Variants in EPS8L3 observed in about 807,000 individuals in gnomAD.
The protein encoded by EPS8L3 is EPS8 signaling adaptor L3, also known as epidermal growth factor receptor kinase substrate 8-like protein 3.
Under a neutral mutation model 88.5 loss-of-function variants are expected in EPS8L3, and 80 were observed. The ratio of observed to expected loss-of-function variants is 0.90; its 90% confidence interval spans 0.75 to 1.09. The LOEUF (loss-of-function observed/expected upper bound fraction) is 1.09. EPS8L3 is among the 50% of genes least tolerant of loss of function. The pLI, the probability that EPS8L3 is intolerant of heterozygous loss-of-function variation, is 0.00. For missense variants in EPS8L3, 721 were observed against 735.2 expected, an observed-to-expected ratio of 0.98 and a Z score of 0.22; for synonymous variants, 286 against 291.0, an observed-to-expected ratio of 0.98 and a Z score of 0.18.
Position 109,751,707 on chromosome 1 carries a change from G to T in EPS8L3, c.1510C>A (p.Leu504Met). The T allele has an allele frequency of 6.2e-7, 1 of 1,613,898 alleles. No homozygotes were observed. Among genetic ancestry groups the T allele is most frequent in the South Asian group, 1.1e-5 (1 of 91,076 alleles). Residue 504 changes from leucine (L) to methionine (M), a missense_variant, in exon 16 of 19, where the codon CTG becomes ATG. Coordinates refer to ENST00000361965, the MANE Select transcript of EPS8L3 (RefSeq NM_133181.4). ...GRSGYIPSNI[L>M]EPLQPGTPGT... is the part of the protein sequence containing the mutation. Reference sequence around the variant, plus strand: ...GGGGTCCCCGGCTGTAGGGGCTCCAGGATGTTGCTTGGAATGTAGCCGCTC... The same window carrying T: ...GGGGTCCCCGGCTGTAGGGGCTCCATGATGTTGCTTGGAATGTAGCCGCTC...
At position 109,758,389 on chromosome 1, in the gene EPS8L3, G is replaced by C; in HGVS notation, c.644C>G (p.Ala215Gly). ...CAGAGTAAAGGCACTTGGTTCTCGG[G>C]CACTGGTGTGGCGTGGCAGGGGCCT... ...SPRPLPRHTS[A>G]REPSAFTLPP... is the part of the protein sequence containing the mutation. The change falls in exon 8 of 19, where the codon GCC becomes GGC. Residue 215 changes from alanine to glycine, a missense_variant. Physicochemically the swap from Ala to Gly is moderately conservative, Grantham distance 60. Transcript: ENST00000361965. 2 of 1,612,812 alleles carry C rather than the reference G, an allele frequency of 1.2e-6. No homozygotes were observed. The highest frequency in any genetic ancestry group is 1.7e-6 in the Non-Finnish European group (2 of 1,179,456).
At chr1:109,757,213 C>G in intron 11 of EPS8L3, 48 bp from the exon 12 acceptor site, 1 of 1,536,884 alleles carries the variant, frequency 6.5e-7, no homozygotes, top group Non-Finnish European at 8.8e-7. Flanking sequence ...CCCACAGGGC[C>G]CAGTGAGGGT....
At chr1:109,754,395 G>T (rs976851693) in intron 12 of EPS8L3, among the ~76,000 whole-genome samples, 1 of 152,026 alleles carries the variant, frequency 6.6e-6, no homozygotes, top group Non-Finnish European at 1.5e-5. Flanking sequence ...AATATAATTT[G>T]CTTGAAATTC....
At chr1:109,754,437 G>A (rs1340952148) in intron 12 of EPS8L3, among the ~76,000 whole-genome samples, 1 of 151,526 alleles carries the variant, frequency 6.6e-6, no homozygotes, top group Non-Finnish European at 1.5e-5. Flanking sequence ...ATTTCTTTAG[G>A]TATTCTATTT....
At chr1:109,758,124 C>G in intron 8 of EPS8L3, 66 bp from the exon 9 acceptor site, 2 of 1,414,514 alleles carry the variant, frequency 1.4e-6, no homozygotes, top group South Asian at 2.3e-5. Flanking sequence ...CCCCACACTG[C>G]CCCCCGCACC....
rs554385715 is a variant in EPS8L3, at chr1:109,750,680, C to T, written c.1750G>A (p.Ala584Thr). ...EAPRILSRLE[A>T]VRRMLGISP is the part of the protein sequence containing the mutation. ...CTCACCCCCAGCATCCTTCTGACAG[C>T]CTCCAGCCGGGACAGGATTCGTGGG... is the stretch of plus-strand genomic sequence containing the variant. Residue 584 changes from alanine to threonine, a missense_variant, in exon 18 of 19, where the codon GCT becomes ACT. Coordinates refer to ENST00000361965, the MANE Select transcript of EPS8L3 (RefSeq NM_133181.4). The T allele has an allele frequency of 2.5e-6, 4 of 1,614,114 alleles. No homozygotes were observed. The highest frequency in any genetic ancestry group is 2.5e-6 in the Non-Finnish European group (3 of 1,180,044).
Position 109,759,603 on chromosome 1 carries a change from G to A in EPS8L3, c.255+75C>T. ...AGTGGCTGCCCTTTGGGGCATGGAG[G>A]GTGGAGTTCAAGAGCTAGTGCTTGC... is the stretch of plus-strand genomic sequence containing the variant. On this transcript the variant is annotated intron_variant, in intron 4 of 18. Coordinates refer to ENST00000361965, the MANE Select transcript of EPS8L3 (RefSeq NM_133181.4). The surrounding 1 kb of genome is among the most constrained non-coding windows in gnomAD (Gnocchi z 4.2). 6.5e-7 allele frequency: 1 copy of A among 1,549,172 alleles called. No individual in the cohort carries two copies. Among genetic ancestry groups the A allele is most frequent in the Middle Eastern group, 2.0e-4 (1 of 5,124 alleles).
intron 1 of EPS8L3, among the ~76,000 whole-genome samples, chr1:109,762,870 G>T (rs1352045229): frequency 6.6e-6 from 1 of 152,244 alleles, no homozygotes. Context: ...CCGCTGGGCT[G>T]TGCGCAGTCA....
In EPS8L3 at chr1:109,753,112, CT is replaced by C. The variant is rs1203645469; in HGVS notation, c.1200+4del. The stretch of plus-strand genomic sequence containing the variant: ...GGGTAGGGCTCTATGCCAAGCTCCC[CT>C]TACTTGGCTGGAGGGCTCTGGAAGT... On this transcript the variant is annotated splice_donor_region_variant and intron_variant, in intron 13 of 18. Transcript: ENST00000361965. 9 of 1,612,092 alleles carry C rather than the reference CT, an allele frequency of 5.6e-6. No homozygotes were observed. Among genetic ancestry groups the C allele is most frequent in the Non-Finnish European group, 6.8e-6 (8 of 1,178,590 alleles).
rs1649870437 is a variant in EPS8L3, at chr1:109,752,259, G to A, written c.1236-66C>T. Reference sequence around the variant, plus strand: ...GAAATTAAGCCTATGTCCCAGCCCTGAGATTCCCCTCAGGTATCTCCGGCC... The same window carrying A: ...GAAATTAAGCCTATGTCCCAGCCCTAAGATTCCCCTCAGGTATCTCCGGCC... On this transcript the variant is annotated intron_variant, in intron 14 of 18. Coordinates refer to ENST00000361965, the MANE Select transcript of EPS8L3 (RefSeq NM_133181.4). 3.4e-6 allele frequency: 5 copies of A among 1,461,604 alleles called. No individual in the cohort carries two copies. The South Asian group carries it at 6.3e-5, about 19-fold the overall frequency. 90.5% of individuals were successfully genotyped at this position (1,461,604 alleles called of 1,614,324 possible). A position where few individuals can be genotyped will look rare whatever the true frequency, so the allele number is the denominator to read the frequency against.
At chr1:109,755,991 C>T (rs1650248470) in intron 12 of EPS8L3, among the ~76,000 whole-genome samples, 1 of 152,302 alleles carries the variant, frequency 6.6e-6, no homozygotes, top group Non-Finnish European at 1.5e-5. Context: ...TTTGCACTTG[C>T]CATGTAGAAG....
In EPS8L3 at chr1:109,762,636, C is replaced by T. The variant is rs527948621; in HGVS notation, c.-24-863G>A. ...CTGCCGTCCACTTGTACTTACTTGG[C>T]GCCACGTGCCTAGCACTGTTCTAAC... On this transcript the variant is annotated intron_variant, in intron 1 of 18. Coordinates refer to ENST00000361965, the MANE Select transcript of EPS8L3 (RefSeq NM_133181.4). 2.6e-5 allele frequency among the ~76,000 whole-genome samples: 4 copies of T among 152,218 alleles called. No homozygotes were observed. The South Asian group carries it at 6.2e-4, about 24-fold the overall frequency.
rs1314034174 is a variant in EPS8L3 at position 109,752,778 on chromosome 1, G to A, written c.1201-58C>T. 3 of 1,467,376 alleles carry A rather than the reference G, an allele frequency of 2.0e-6. No homozygotes were observed. In the East Asian group the frequency reaches 7.4e-5, roughly 36 times the overall value. 90.9% of individuals were successfully genotyped at this position (1,467,376 alleles called of 1,614,324 possible). ...CAGGAGGCAGCCAGCATGGTGGGAG[G>A]GAGCTGGGGTATCCGACCACAGGCA... On this transcript the variant is annotated intron_variant, in intron 13 of 18. Transcript: ENST00000361965.
rs549152937 is a variant in EPS8L3 at position 109,751,739 on chromosome 1, G to A, written c.1478C>T (p.Ala493Val). Residue 493 changes from alanine to valine, a missense_variant, in exon 16 of 19, where the codon GCG (alanine) becomes GTG (valine). Coordinates refer to ENST00000361965, the MANE Select transcript of EPS8L3 (RefSeq NM_133181.4). ...SKRWWLVKNE[A>V]GRSGYIPSNI... ...GCTTGGAATGTAGCCGCTCCGTCCC[G>A]CCTCATTCTTCACCAGCCACCACCG... 5.6e-6 allele frequency: 9 copies of A among 1,613,544 alleles called. No homozygotes were observed. Among genetic ancestry groups the A allele is most frequent in the African/African-American group, 2.7e-5 (2 of 74,862 alleles).
intron 3 of EPS8L3, among the ~76,000 whole-genome samples, chr1:109,760,819 C>T (rs1650840492): frequency 6.6e-6 from 1 of 152,092 alleles, no homozygotes; most frequent in African/African-American, 2.4e-5. Flanking sequence ...ATGGCTTCTA[C>T]CCCAGAGCTC....
rs1187147987 is a variant in EPS8L3, at chr1:109,758,077, A to G, written c.718-19T>C. On this transcript the variant is annotated intron_variant, in intron 8 of 18. Transcript: ENST00000361965. ...GCACTTCCTGGGCCCCAAACAACCC[A>G]TGGCCTTGAACGGGCAGTTGGGCCC... 2 of 1,608,978 alleles carry G rather than the reference A, an allele frequency of 1.2e-6. No homozygotes were observed. The highest frequency in any genetic ancestry group is 1.7e-5 in the Admixed American group (1 of 59,986).
chr1:109,761,279 C>G, intron 3 of EPS8L3: 1 of 564,098 alleles, frequency 1.8e-6, no homozygotes, highest in East Asian at 2.9e-5. Context: ...CCAGCCAGGC[C>G]TGCTCTGTTC....
At chr1:109,752,634 C>A (rs1259056007) in intron 14 of EPS8L3, 52 bp downstream of exon 14, 5 of 1,499,144 alleles carry the variant, frequency 3.3e-6, no homozygotes, top group Non-Finnish European at 3.6e-6. Flanking sequence ...AAGGAACAGC[C>A]CTGTCCCTCC....
At position 109,752,008 on chromosome 1, in the gene EPS8L3, C is replaced by G. The variant is rs1649841501; in HGVS notation, c.1421G>C (p.Gly474Ala). The change falls in exon 15 of 19, where the codon GGA becomes GCA. Residue 474 changes from glycine (G) to alanine (A), a missense_variant. Physicochemically the swap from Gly to Ala is moderately conservative, Grantham distance 60. Coordinates refer to ENST00000361965, the MANE Select transcript of EPS8L3 (RefSeq NM_133181.4). ...RNPRELTVVQ[G>A]EKLEVLDHSK... ...CCCAAGCCTCACCTCCAGCTTCTCTCCCTGGACCACAGTCAGTTCCCGTGG... is the reference window on the plus strand; with the variant it reads ...CCCAAGCCTCACCTCCAGCTTCTCTGCCTGGACCACAGTCAGTTCCCGTGG... The G allele has an allele frequency of 6.2e-7, 1 of 1,608,964 alleles. No homozygotes were observed. The highest frequency in any genetic ancestry group is 8.5e-7 in the Non-Finnish European group (1 of 1,177,078).
Sources: allele counts gnomAD v4.1 joint callset (sites outside exome capture counted in the v4.1 genomes callset), GRCh38; gene constraint gnomAD v4.1.1; non-coding constraint Gnocchi (gnomAD v3.1); transcripts MANE v1.5; gene names NCBI Gene and HGNC (gene_info 2026-07-23, HGNC 2026-07-21).